The following PPP2R2C variants were observed in gnomAD, a reference collection of about 807,000 sequenced individuals.
PPP2R2C encodes protein phosphatase 2 regulatory subunit Bgamma.
A neutral mutation model predicts 45.3 loss-of-function variants in PPP2R2C; 10 were observed. The ratio of observed to expected loss-of-function variants is 0.22; its 90% CI spans 0.14 to 0.37. PPP2R2C has a LOEUF of 0.37. Among genes scored for constraint, PPP2R2C ranks in the 10% least tolerant of loss-of-function variants. The probability of loss-of-function intolerance (pLI) is 1.00; values close to 1 mark genes in which losing one functional copy is unlikely to be tolerated. For missense variants in PPP2R2C, 308 were observed against 619.7 expected (o/e 0.50, Z 5.34); for synonymous variants, 257 against 245.4 (o/e 1.05, Z -0.44).
intron 1 of PPP2R2C, among the ~76,000 whole-genome samples, chr4:6,452,647 T>C (rs1430503776): frequency 1.3e-5 from 2 of 152,224 alleles, no homozygotes; most frequent in Admixed American, 1.3e-4. Flanking sequence ...ACTGTCCCCA[T>C]GTGGCCATGC....
At chr4:6,543,119 C>T (rs2108833478) in intron 1 of PPP2R2C, among the ~76,000 whole-genome samples, 1 of 152,322 alleles carries the variant, frequency 6.6e-6, no homozygotes, top group South Asian at 2.1e-4. Context: ...GGTGGATCGC[C>T]TCCTGTGACT....
At chr4:6,472,098 C>G in intron 1 of PPP2R2C, 62 bp downstream of exon 1, 1 of 1,605,376 alleles carries the variant, frequency 6.2e-7, no homozygotes, top group South Asian at 1.1e-5. Context: ...GGAGGGCATT[C>G]GGTGCGACGG....
intron 1 of PPP2R2C, among the ~76,000 whole-genome samples, chr4:6,457,371 G>C (rs1352448147): frequency 6.6e-6 from 1 of 151,974 alleles, no homozygotes. Flanking sequence ...GAATGCACTG[G>C]GAATTTTTTT....
At chr4:6,327,615 C>G (rs1373829010) in intron 8 of PPP2R2C, among the ~76,000 whole-genome samples, 1 of 152,220 alleles carries the variant, frequency 6.6e-6, no homozygotes, top group Non-Finnish European at 1.5e-5. Flanking sequence ...CCAGGGAACC[C>G]CAAATGCAGC....
chr4:6,421,978 CAAG>C (rs1221596884), intron 1 of PPP2R2C, among the ~76,000 whole-genome samples: 1 of 152,000 alleles, frequency 6.6e-6, no homozygotes, highest in African/African-American at 2.4e-5. Context: ...CATAATGTTT[CAAG>C]AAGAGCTACT....
intron 1 of PPP2R2C, among the ~76,000 whole-genome samples, chr4:6,429,533 T>C (rs928367523): frequency 7.2e-5 from 11 of 151,898 alleles, no homozygotes; most frequent in Non-Finnish European, 1.6e-4. Context: ...ACAGTATGGG[T>C]TGGGGATGAT....
At chr4:6,349,679 A>T (rs1712351736) in intron 5 of PPP2R2C, 1 of 820,300 alleles carries the variant, frequency 1.2e-6, no homozygotes, top group African/African-American at 1.9e-5. Context: ...TCTCTACTAA[A>T]ATACAAAAAG....
chr4:6,466,350 C>A (rs1281282997), intron 1 of PPP2R2C, among the ~76,000 whole-genome samples: 1 of 152,184 alleles, frequency 6.6e-6, no homozygotes, highest in Non-Finnish European at 1.5e-5. Flanking sequence ...AACAGCAGAA[C>A]ATGAACCCAA....
At chr4:6,476,733 G>A (rs2108775309), upstream of PPP2R2C, among the ~76,000 whole-genome samples, 1 of 152,252 alleles carries the variant, frequency 6.6e-6, no homozygotes, top group African/African-American at 2.4e-5. Context: ...TAAATTGTAA[G>A]GTAGGAATGT....
chr4:6,468,890 C>T (rs1006748301), intron 1 of PPP2R2C, among the ~76,000 whole-genome samples: 1 of 151,786 alleles, frequency 6.6e-6, no homozygotes, highest in Admixed American at 6.6e-5. Context: ...ATGGAGACTT[C>T]CTAGCACCCT....
chr4:6,375,417 C>G (rs991525414), intron 4 of PPP2R2C, among the ~76,000 whole-genome samples: 1 of 152,082 alleles, frequency 6.6e-6, no homozygotes, highest in African/African-American at 2.4e-5. Context: ...GACTCAGGAG[C>G]CACAAAGCTC....
At chr4:6,346,538 C>T (rs115587564) in intron 6 of PPP2R2C, among the ~76,000 whole-genome samples, 1,894 of 152,316 alleles carry the variant, frequency 0.012, 40 homozygotes, top group Middle Eastern at 0.065. Flanking sequence ...CCCCCGCAGA[C>T]GCCAGCTCCC....
intron 1 of PPP2R2C, among the ~76,000 whole-genome samples, chr4:6,549,042 G>A (rs1224195085): frequency 1.3e-5 from 2 of 152,102 alleles, no homozygotes; most frequent in East Asian, 1.9e-4. Flanking sequence ...TTCCTCCCAC[G>A]TGCAAGGTGT....
chr4:6,439,929 A>G (rs1436631115), intron 1 of PPP2R2C, among the ~76,000 whole-genome samples: 3 of 151,818 alleles, frequency 2.0e-5, no homozygotes, highest in Non-Finnish European at 4.4e-5. Flanking sequence ...CCTCCACTCC[A>G]CCTGCCCTAC....
intron 1 of PPP2R2C, among the ~76,000 whole-genome samples, chr4:6,436,905 C>A (rs78774356): frequency 3.8e-4 from 58 of 152,230 alleles, no homozygotes; most frequent in Middle Eastern, 3.2e-3. Context: ...TCCAAATGCC[C>A]AGTTGTCTTT....
At chr4:6,417,323 C>T (rs1016749679) in intron 1 of PPP2R2C, among the ~76,000 whole-genome samples, 2 of 152,256 alleles carry the variant, frequency 1.3e-5, no homozygotes, top group Non-Finnish European at 2.9e-5. Context: ...AGGGACCCAC[C>T]TCGGGGTTAC....
At chr4:6,414,728 G>C (rs966378240) in intron 1 of PPP2R2C, among the ~76,000 whole-genome samples, 2 of 152,016 alleles carry the variant, frequency 1.3e-5, no homozygotes, top group African/African-American at 4.8e-5. Flanking sequence ...GGGCTGGATG[G>C]AGGGAGGAAC....
intron 1 of PPP2R2C, among the ~76,000 whole-genome samples, chr4:6,410,845 A>C (rs567515874): frequency 0.029 from 255 of 8,686 alleles, 1 homozygote; most frequent in African/African-American, 0.042. Flanking sequence ...CCCCTGTTTT[A>C]TTTATTTATT....
intron 1 of PPP2R2C, among the ~76,000 whole-genome samples, chr4:6,442,829 C>T (rs1330928213): frequency 1.3e-5 from 2 of 152,332 alleles, no homozygotes; most frequent in Admixed American, 6.5e-5. Context: ...CTCCAGAGTC[C>T]ATGCTCATAC....
Sources: allele counts gnomAD v4.1 joint callset (sites outside exome capture counted in the v4.1 genomes callset), GRCh38; gene constraint gnomAD v4.1.1; transcripts MANE v1.5; gene names NCBI Gene and HGNC (gene_info 2026-07-23, HGNC 2026-07-21).